IGF1: variants seen among roughly 807,000 people sequenced by gnomAD.
The protein encoded by IGF1 is insulin-like growth factor 1.
Under a neutral mutation model 13.8 loss-of-function variants are expected in IGF1, and 4 were observed. That is an observed-to-expected ratio of 0.29 (90% CI 0.14 to 0.66). The LOEUF is 0.66. IGF1 is among the 30% of genes least tolerant of loss of function. The pLI, the probability that IGF1 is intolerant of heterozygous loss-of-function variation, is 0.78. For missense variants in IGF1, 124 were observed against 188.5 expected (o/e 0.66, Z 2.00); for synonymous variants, 76 against 72.6 (o/e 1.05, Z -0.23).
intron 2 of IGF1, among the ~76,000 whole-genome samples, chr12:102,454,713 G>T (rs562582543): frequency 2.6e-5 from 4 of 152,220 alleles, no homozygotes; most frequent in Non-Finnish European, 5.9e-5. Flanking sequence ...TGTAAGATTC[G>T]CCATGAAGGG....
intron 3 of IGF1, among the ~76,000 whole-genome samples, chr12:102,403,299 C>T (rs1310428406): frequency 6.6e-6 from 1 of 152,154 alleles, no homozygotes; most frequent in Non-Finnish European, 1.5e-5. Flanking sequence ...GTAAGCACTA[C>T]ATAAGTATTA....
chr12:102,429,604 C>T (rs1018360655), intron 2 of IGF1, among the ~76,000 whole-genome samples: 3 of 152,232 alleles, frequency 2.0e-5, no homozygotes, highest in African/African-American at 7.2e-5. Context: ...GGACCAACAT[C>T]ATGCCCAGAT....
intron 2 of IGF1, among the ~76,000 whole-genome samples, chr12:102,461,707 A>G (rs757737738): frequency 3.3e-5 from 5 of 152,304 alleles, no homozygotes; most frequent in Admixed American, 1.3e-4. Flanking sequence ...AGAAGTTCCA[A>G]TTTCCAGTTC....
chr12:102,468,066 A>T (rs770204159), intron 2 of IGF1, among the ~76,000 whole-genome samples: 1 of 152,218 alleles, frequency 6.6e-6, no homozygotes, highest in Non-Finnish European at 1.5e-5. Context: ...ACAATCGGGT[A>T]GTTTTAAGAG....
At chr12:102,458,954 C>CA (rs1362496122) in intron 2 of IGF1, among the ~76,000 whole-genome samples, 4 of 152,050 alleles carry the variant, frequency 2.6e-5, no homozygotes, top group African/African-American at 9.7e-5. Flanking sequence ...GTGAGTCAAT[C>CA]AAGTCAATGT....
chr12:102,402,451 G>T lies in IGF1; in HGVS notation c.*56C>A, dbSNP rs1873761570. The T allele has an allele frequency of 1.3e-6, 1 of 780,362 alleles. No homozygotes were observed. The allele number at this position is 780,362 out of a possible 1,614,324, so 48.3% of individuals were successfully genotyped here. A position where few individuals can be genotyped will look rare whatever the true frequency, so the allele number is the denominator to read the frequency against. On this transcript the variant is annotated 3_prime_UTR_variant, in exon 4 of 4. Transcript: ENST00000337514. ...TTCCAAAGTTTAACAGGTAACTCGT[G>T]CAGAGCAAAGGATCCTGCGGTGGCA...
At position 102,399,669 on chromosome 12, in the gene IGF1, A is replaced by G. The variant is rs1873517922; in HGVS notation, c.*2838T>C. 1 of 152,202 alleles carries G rather than the reference A, an allele frequency of 6.6e-6. No homozygotes were observed. The highest frequency in any genetic ancestry group is 2.4e-5 in the African/African-American group (1 of 41,460). The allele number at this position is 152,202 out of a possible 1,614,324, so 9.4% of individuals were successfully genotyped here. ...TGTGTTGGAAAAAGTTAAGAAAGAT[A>G]ATATGGCAGTGCATCTTTCAGCTTT... is the stretch of plus-strand genomic sequence containing the variant. On this transcript the variant is annotated 3_prime_UTR_variant, in exon 4 of 4. Transcript: ENST00000337514.
chr12:102,417,683 A>G (rs1459077803), intron 3 of IGF1: 25 of 1,485,436 alleles, frequency 1.7e-5, no homozygotes, highest in South Asian at 7.4e-5. Flanking sequence ...GGTTACTTCT[A>G]TTTCCATCAC....
chr12:102,451,989 G>A (rs1878979082), intron 2 of IGF1, among the ~76,000 whole-genome samples: 1 of 152,076 alleles, frequency 6.6e-6, no homozygotes, highest in African/African-American at 2.4e-5. Context: ...TCGGCCGGGC[G>A]CGGTGGCTCA....
chr12:102,404,362 TG>T (rs1459075004), intron 3 of IGF1, among the ~76,000 whole-genome samples: 1 of 152,188 alleles, frequency 6.6e-6, no homozygotes, highest in Non-Finnish European at 1.5e-5. Flanking sequence ...TGCCACCCCT[TG>T]GGAATAATAC....
At chr12:102,452,108 A>G (rs959858266) in intron 2 of IGF1, among the ~76,000 whole-genome samples, 1 of 151,614 alleles carries the variant, frequency 6.6e-6, no homozygotes, top group Non-Finnish European at 1.5e-5. Context: ...TAAAAATACA[A>G]AAAATTAGCC....
chr12:102,446,662 T>C (rs1332766688), intron 2 of IGF1, among the ~76,000 whole-genome samples: 1 of 152,118 alleles, frequency 6.6e-6, no homozygotes, highest in African/African-American at 2.4e-5. Context: ...TGCTGCTCTT[T>C]CAAAAAATGA....
intron 2 of IGF1, among the ~76,000 whole-genome samples, chr12:102,470,307 T>C (rs1014860841): frequency 6.6e-6 from 1 of 152,224 alleles, no homozygotes; most frequent in Non-Finnish European, 1.5e-5. Context: ...ATAGAGGCCA[T>C]GCCCTTGGTC....
chr12:102,452,441 A>G (rs1490276684), intron 2 of IGF1, among the ~76,000 whole-genome samples: 1 of 152,204 alleles, frequency 6.6e-6, no homozygotes, highest in African/African-American at 2.4e-5. Flanking sequence ...CAAATGTCAT[A>G]TCCCTAGCAT....
chr12:102,465,842 C>T lies in IGF1; in HGVS notation c.220+9801G>A, dbSNP rs186281515. On this transcript the variant is annotated intron_variant, in intron 2 of 3. Coordinates refer to ENST00000337514, the MANE Select transcript of IGF1 (RefSeq NM_000618.5). ...ATCCCAGCTACTCGGGAGGCTGAGG[C>T]GGGAGAATTGCTTGAACCTAGGAGA... Among the ~76,000 whole-genome samples, 636 of 152,034 alleles carry T rather than the reference C, an allele frequency of 4.2e-3. 1 individual carries two copies. The highest frequency in any genetic ancestry group is 0.034 in the Middle Eastern group (10 of 294).
chr12:102,397,535 T>A lies in IGF1; in HGVS notation c.*4972A>T, dbSNP rs1592723724. 1 of 152,202 alleles carries A rather than the reference T, an allele frequency of 6.6e-6. No homozygotes were observed. Among genetic ancestry groups the A allele is most frequent in the African/African-American group, 2.4e-5 (1 of 41,456 alleles). 9.4% of individuals were successfully genotyped at this position (152,202 alleles called of 1,614,324 possible). A position where few individuals can be genotyped will look rare whatever the true frequency, so the allele number is the denominator to read the frequency against. On this transcript the variant is annotated 3_prime_UTR_variant, in exon 4 of 4. Coordinates refer to ENST00000337514, the MANE Select transcript of IGF1 (RefSeq NM_000618.5). ...AAATAGAAATTACACAAAAAAGATA[T>A]CTATGTATCACTTTCTAATACCTAA... is the stretch of plus-strand genomic sequence containing the variant.
intron 3 of IGF1, among the ~76,000 whole-genome samples, chr12:102,405,455 A>G (rs1874076931): frequency 6.6e-6 from 1 of 152,042 alleles, no homozygotes; most frequent in Non-Finnish European, 1.5e-5. Context: ...ACAGAATAGC[A>G]TCCCTAATGT....
intron 2 of IGF1, among the ~76,000 whole-genome samples, chr12:102,429,185 A>T (rs1876512586): frequency 6.6e-6 from 1 of 152,160 alleles, no homozygotes; most frequent in South Asian, 2.1e-4. Flanking sequence ...GTGTGATAAC[A>T]TTATTTCAGG....
At chr12:102,427,573 G>A (rs529858101) in intron 2 of IGF1, among the ~76,000 whole-genome samples, 3 of 152,244 alleles carry the variant, frequency 2.0e-5, no homozygotes, top group South Asian at 2.1e-4. Context: ...TTTTGCTCAG[G>A]GCACATCTGG....
Sources: allele counts gnomAD v4.1 joint callset (sites outside exome capture counted in the v4.1 genomes callset), GRCh38; gene constraint gnomAD v4.1.1; transcripts MANE v1.5; gene names NCBI Gene and HGNC (gene_info 2026-07-23, HGNC 2026-07-21).